Variants in ULK4 observed in about 807,000 individuals in gnomAD.
The protein encoded by ULK4 is inactive serine/threonine-protein kinase ULK4.
ULK4 carries 133 observed loss-of-function variants against 160.6 expected under a neutral mutation model. The ratio of observed to expected loss-of-function variants is 0.83; its 90% CI spans 0.72 to 0.96. ULK4 has a LOEUF of 0.96. Among genes scored for constraint, ULK4 ranks in the 40% least tolerant of loss-of-function variants. ULK4 has a pLI of 0.00. For synonymous variants in ULK4, 534 were observed against 539.8 expected (o/e 0.99, Z 0.15); for missense variants, 1,580 against 1,499.5 (o/e 1.05, Z -0.89).
At chr3:41,477,252 C>T (rs2084171902) in intron 32 of ULK4, among the ~76,000 whole-genome samples, 1 of 152,194 alleles carries the variant, frequency 6.6e-6, no homozygotes, top group South Asian at 2.1e-4. Context: ...GTTTAATGTT[C>T]TGAGAATATT....
chr3:41,642,197 T>G (rs1375203928), intron 30 of ULK4, among the ~76,000 whole-genome samples: 1 of 152,264 alleles, frequency 6.6e-6, no homozygotes, highest in African/African-American at 2.4e-5. Flanking sequence ...TTTTACTCTT[T>G]TTTTTTAATA....
At chr3:41,828,443 C>T (rs1342432333) in intron 18 of ULK4, among the ~76,000 whole-genome samples, 1 of 144,382 alleles carries the variant, frequency 6.9e-6, no homozygotes, top group Non-Finnish European at 1.5e-5. Flanking sequence ...TAAGCAACTT[C>T]AGCAAAGTCT....
chr3:41,762,675 T>C (rs1559534113), intron 21 of ULK4, among the ~76,000 whole-genome samples: 2 of 145,460 alleles, frequency 1.4e-5, no homozygotes, highest in Non-Finnish European at 3.0e-5. Context: ...TTTTTTTTTT[T>C]TTTTTGAGAC....
At chr3:41,490,738 T>A (rs147986035) in intron 32 of ULK4, among the ~76,000 whole-genome samples, 2 of 152,220 alleles carry the variant, frequency 1.3e-5, no homozygotes, top group African/African-American at 4.8e-5. Context: ...TACCATGGTT[T>A]GGGAATATTA....
intron 17 of ULK4, among the ~76,000 whole-genome samples, chr3:41,848,216 C>CTTTGTTTA (rs1172816827): frequency 6.6e-6 from 1 of 152,164 alleles, no homozygotes; most frequent in Non-Finnish European, 1.5e-5. Context: ...GATTCCTTCT[C>CTTTGTTTA]TTAAAGATAA....
At chr3:41,452,834 C>T (rs1224936838) in intron 34 of ULK4, among the ~76,000 whole-genome samples, 1 of 152,100 alleles carries the variant, frequency 6.6e-6, no homozygotes, top group Non-Finnish European at 1.5e-5. Flanking sequence ...TCATAAAGAC[C>T]TCCAAAACTT....
At chr3:41,635,436 A>G (rs1316950340) in intron 30 of ULK4, among the ~76,000 whole-genome samples, 4 of 152,148 alleles carry the variant, frequency 2.6e-5, no homozygotes, top group South Asian at 4.2e-4. Context: ...ACATATTTAT[A>G]TAAATATATA....
At chr3:41,882,267 A>T in intron 17 of ULK4, 1 of 703,028 alleles carries the variant, frequency 1.4e-6, no homozygotes, top group Non-Finnish European at 2.6e-6. Context: ...CCCGATTCCA[A>T]TGGAGCTTGT....
chr3:41,420,475 C>T (rs58920852), intron 34 of ULK4, among the ~76,000 whole-genome samples: 2,246 of 41,706 alleles, frequency 0.054, 265 homozygotes, highest in East Asian at 0.27. Context: ...CCAGTTCTTT[C>T]TTTTTTTTTT....
intron 12 of ULK4, among the ~76,000 whole-genome samples, chr3:41,903,800 T>A (rs1190717748): frequency 6.6e-6 from 1 of 152,042 alleles, no homozygotes; most frequent in African/African-American, 2.4e-5. Context: ...TGAAAATAAT[T>A]GTTATAAAAT....
chr3:41,439,396 A>G (rs1431091761), intron 34 of ULK4, among the ~76,000 whole-genome samples: 1 of 152,210 alleles, frequency 6.6e-6, no homozygotes, highest in East Asian at 1.9e-4. Context: ...ATGAACTTGG[A>G]TAGGAAGTTA....
intron 21 of ULK4, among the ~76,000 whole-genome samples, chr3:41,775,452 G>A (rs564720719): frequency 6.8e-6 from 1 of 147,746 alleles, no homozygotes; most frequent in South Asian, 2.1e-4. Context: ...AGGCTGGAGT[G>A]CAGTGGTGCA....
intron 32 of ULK4, among the ~76,000 whole-genome samples, chr3:41,562,497 A>C (rs12490331): frequency 0.56 from 84,961 of 151,918 alleles, 26,470 homozygotes; most frequent in Admixed American, 0.7. Context: ...TGGGAGTCTA[A>C]GTCTGTTTGT....
intron 34 of ULK4, among the ~76,000 whole-genome samples, chr3:41,408,203 C>A (rs1008173347): frequency 1.3e-5 from 2 of 151,316 alleles, no homozygotes; most frequent in Admixed American, 6.6e-5. Context: ...CCGAGGTGGG[C>A]GGATCACGAG....
rs1034695309 is a variant in ULK4, at chr3:41,559,123, A to G, written c.3226+6902T>C. Among the ~76,000 whole-genome samples, 543 of 149,276 alleles carry G rather than the reference A, an allele frequency of 3.6e-3. 3 individuals carry two copies. The highest frequency in any genetic ancestry group is 0.012 in the African/African-American group (500 of 40,506). On this transcript the variant is annotated intron_variant, in intron 32 of 36. Coordinates refer to ENST00000301831, the MANE Select transcript of ULK4 (RefSeq NM_017886.4). ...TTCCCACCTATGAGTGAGAATATGC[A>G]GTGTTTGGTTTTCTGTCCTTGCGAT...
At chr3:41,860,670 C>T (rs1362764683) in intron 17 of ULK4, among the ~76,000 whole-genome samples, 3 of 152,082 alleles carry the variant, frequency 2.0e-5, no homozygotes, top group East Asian at 3.8e-4. Flanking sequence ...TTTTTTCATC[C>T]AGCCAGTCTC....
At chr3:41,771,363 T>C (rs944479385) in intron 21 of ULK4, among the ~76,000 whole-genome samples, 7 of 152,160 alleles carry the variant, frequency 4.6e-5, no homozygotes, top group Non-Finnish European at 8.8e-5. Flanking sequence ...AAAGAATACA[T>C]TGTCACAGTG....
intron 31 of ULK4, among the ~76,000 whole-genome samples, chr3:41,587,417 C>G (rs2030905945): frequency 6.6e-6 from 1 of 152,096 alleles, no homozygotes; most frequent in African/African-American, 2.4e-5. Context: ...CTGCAAACTC[C>G]CTTTTGGCAT....
intron 35 of ULK4, among the ~76,000 whole-genome samples, chr3:41,284,263 A>G (rs2079418246): frequency 1.3e-5 from 2 of 152,198 alleles, no homozygotes; most frequent in African/African-American, 4.8e-5. Context: ...TCATATGGAA[A>G]CAAAAAAGAG....
Sources: allele counts gnomAD v4.1 joint callset (sites outside exome capture counted in the v4.1 genomes callset), GRCh38; gene constraint gnomAD v4.1.1; transcripts MANE v1.5; gene names NCBI Gene and HGNC (gene_info 2026-07-23, HGNC 2026-07-21).